The following PLIN3 variants were observed in gnomAD, a reference collection of about 807,000 sequenced individuals.
PLIN3 encodes perilipin 3.
A neutral mutation model predicts 35.9 loss-of-function variants in PLIN3; 30 were observed. The ratio of observed to expected loss-of-function variants is 0.84; its 90% CI spans 0.62 to 1.13. PLIN3 has a LOEUF of 1.13. Among genes scored for constraint, PLIN3 ranks in the 50% most tolerant of loss-of-function variants. PLIN3 has a pLI of 0.00. For missense variants in PLIN3, 603 were observed against 596.9 expected (o/e 1.01, Z -0.11); for synonymous variants, 261 against 262.5 (o/e 0.99, Z 0.06).
chr19:4,867,082 G>A (rs1214666811), intron 1 of PLIN3: 1 of 152,242 alleles, frequency 6.6e-6, no homozygotes, highest in Non-Finnish European at 1.5e-5. Context: ...CGAGGGAAGT[G>A]GGCAGGCTTT....
intron 5 of PLIN3, among the ~76,000 whole-genome samples, chr19:4,850,385 C>T (rs897380414): frequency 4.0e-5 from 6 of 151,760 alleles, no homozygotes; most frequent in Admixed American, 6.6e-5. Context: ...GCTGGGATTA[C>T]AGACGCCTGC....
chr19:4,861,512 C>G (rs2030675886), intron 1 of PLIN3, 101 bp from the exon 2 acceptor site: 1 of 757,074 alleles, frequency 1.3e-6, no homozygotes, highest in African/African-American at 1.7e-5. Flanking sequence ...CACACCTGCC[C>G]ATGACTTACA....
At chr19:4,843,708 C>T (rs556987489) in intron 7 of PLIN3, among the ~76,000 whole-genome samples, 14 of 151,944 alleles carry the variant, frequency 9.2e-5, no homozygotes, top group African/African-American at 3.1e-4. Flanking sequence ...TCGTGGCACA[C>T]GCCTGTGTTC....
chr19:4,863,478 C>A (rs1462055495), intron 1 of PLIN3, among the ~76,000 whole-genome samples: 47 of 131,378 alleles, frequency 3.6e-4, no homozygotes, highest in Non-Finnish European at 7.2e-4. Flanking sequence ...GCCTGGGCAA[C>A]AGGAGCGAAA....
intron 4 of PLIN3, among the ~76,000 whole-genome samples, chr19:4,854,823 GCTCACAGCAGGC>G (rs1263732471): frequency 6.6e-6 from 1 of 152,066 alleles, no homozygotes; most frequent in Admixed American, 6.6e-5. Flanking sequence ...AAAGTCAAGA[GCTCACAGCAGGC>G]CAGGCACGGT....
chr19:4,854,428 GT>G (rs1445207130), intron 4 of PLIN3, among the ~76,000 whole-genome samples: 7 of 150,984 alleles, frequency 4.6e-5, no homozygotes, highest in African/African-American at 1.7e-4. Context: ...TTTTTACAGA[GT>G]TTTTGCTCTT....
intron 5 of PLIN3, among the ~76,000 whole-genome samples, chr19:4,850,431 A>T (rs535605071): frequency 1.3e-5 from 2 of 149,562 alleles, no homozygotes; most frequent in East Asian, 2.0e-4. Context: ...TATTATTATT[A>T]TTTTTTTGAG....
chr19:4,847,651 A>G, intron 6 of PLIN3, 40 bp downstream of exon 6: 2 of 1,525,342 alleles, frequency 1.3e-6, no homozygotes, highest in Non-Finnish European at 1.8e-6. Context: ...CTGCGGGGTG[A>G]AGGCTGCTGG....
chr19:4,859,541 C>A (rs762072095), intron 4 of PLIN3, 49 bp downstream of exon 4: 1 of 1,508,448 alleles, frequency 6.6e-7, no homozygotes, highest in Non-Finnish European at 9.2e-7. Flanking sequence ...CACTCCACAC[C>A]CAGGTAGGTC....
rs1429441020 is a variant in PLIN3, at chr19:4,838,970, T to C, written c.*222A>G. ...TTTCTGGACATCTCTCTCTACTGACTGATAGGGTGAGGCTCAGAACAGGCT... is the reference window on the plus strand; with the variant it reads ...TTTCTGGACATCTCTCTCTACTGACCGATAGGGTGAGGCTCAGAACAGGCT... On this transcript the variant is annotated 3_prime_UTR_variant, in exon 8 of 8. Transcript: ENST00000221957. The C allele has an allele frequency of 2.3e-6, 1 of 437,714 alleles. No individual in the cohort carries two copies. Among genetic ancestry groups the C allele is most frequent in the African/African-American group, 2.0e-5 (1 of 50,956 alleles). 27.1% of individuals were successfully genotyped at this position (437,714 alleles called of 1,614,324 possible).
intron 4 of PLIN3, among the ~76,000 whole-genome samples, chr19:4,855,886 C>T (rs193057937): frequency 1.7e-4 from 25 of 150,504 alleles, no homozygotes; most frequent in African/African-American, 6.1e-4. Flanking sequence ...GATCACGCCA[C>T]TGCACTCTAG....
intron 1 of PLIN3, among the ~76,000 whole-genome samples, chr19:4,864,461 T>TGTTGTTGTTG: frequency 6.9e-6 from 1 of 144,018 alleles, no homozygotes. Context: ...GTTTGTTTTT[T>TGTTGTTGTTG]TTTTTGTTGT....
At chr19:4,867,414 C>G (rs1036689044) in intron 1 of PLIN3, among the ~76,000 whole-genome samples, 195 bp downstream of exon 1, 1 of 152,166 alleles carries the variant, frequency 6.6e-6, no homozygotes. Context: ...GTTTCAAAGT[C>G]TGAGCTTCGT....
rs533291549 is a variant in PLIN3, at chr19:4,861,844, T to A, written c.-17-433A>T. Among the ~76,000 whole-genome samples, 19 of 151,898 alleles carry A rather than the reference T, an allele frequency of 1.3e-4. No individual in the cohort carries two copies. In the Middle Eastern group the frequency reaches 0.01, roughly 82 times the overall value. ...GAGACGGGGTTTCACCATATTGGCC[T>A]GGCTAGTCTTGAACTCCTGACCTTG... On this transcript the variant is annotated intron_variant, in intron 1 of 7. Transcript: ENST00000221957.
chr19:4,851,378 C>T (rs371498416), intron 5 of PLIN3, among the ~76,000 whole-genome samples: 22 of 152,048 alleles, frequency 1.4e-4, no homozygotes, highest in Admixed American at 8.5e-4. Flanking sequence ...GCAGGAGACT[C>T]GCTTGAACCC....
chr19:4,861,280 C>T (rs1360514980), intron 2 of PLIN3, 49 bp downstream of exon 2: 1 of 1,540,432 alleles, frequency 6.5e-7, no homozygotes, highest in Non-Finnish European at 9.0e-7. Context: ...AGCCTCCTTG[C>T]ACGGGAATCA....
intron 6 of PLIN3, among the ~76,000 whole-genome samples, chr19:4,847,124 G>A (rs1001456676): frequency 2.0e-5 from 3 of 151,512 alleles, no homozygotes; most frequent in East Asian, 1.9e-4. Context: ...TCCTGACCTC[G>A]TGATCCACCC....
chr19:4,852,048 T>C lies in PLIN3; in HGVS notation c.602A>G (p.Asp201Gly). Residue 201 changes from aspartate (D) to glycine (G), a missense_variant, in exon 5 of 8, where the codon GAC becomes GGC. Coordinates refer to ENST00000221957, the MANE Select transcript of PLIN3 (RefSeq NM_005817.5). ...TVLGKSEEWA[D>G]NHLPLTDAEL... ...GGCATCCGTAAGGGGCAGGTGGTTG[T>C]CCGCCCACTCCTCCGACTTCCCCAG... 1 of 1,613,866 alleles carries C rather than the reference T, an allele frequency of 6.2e-7. No individual in the cohort carries two copies. The highest frequency in any genetic ancestry group is 1.3e-5 in the African/African-American group (1 of 74,982).
intron 2 of PLIN3, among the ~76,000 whole-genome samples, chr19:4,860,407 GT>G (rs1458865887): frequency 6.6e-6 from 1 of 151,856 alleles, no homozygotes; most frequent in African/African-American, 2.4e-5. Context: ...GTTTCACCAT[GT>G]TGGCCAGGCT....
Sources: gnomAD v4.1 joint callset for allele counts (sites outside exome capture counted in the v4.1 genomes callset) on GRCh38, gnomAD v4.1.1 for gene constraint, MANE v1.5 for transcripts, NCBI Gene and HGNC (gene_info 2026-07-23, HGNC 2026-07-21) for gene names.